DACH2: variants seen among roughly 807,000 people sequenced by gnomAD.
DACH2 encodes dachshund homolog 2.
A neutral mutation model predicts 35.8 loss-of-function variants in DACH2; 17 were observed. The observed-to-expected ratio is 0.48, with a 90% confidence interval of 0.33 to 0.71. DACH2 has a LOEUF of 0.71. DACH2 is among the 30% of genes least tolerant of loss of function. DACH2 has a pLI of 0.02. For synonymous variants in DACH2, 195 were observed against 177.3 expected (o/e 1.10, Z -0.79); for missense variants, 469 against 472.7 (o/e 0.99, Z 0.07).
intron 1 of DACH2, among the ~76,000 whole-genome samples, chrX:86,229,275 G>C (rs1411621051): frequency 9.0e-6 from 1 of 111,685 alleles, no homozygotes; most frequent in Non-Finnish European, 1.9e-5. Flanking sequence ...TCAGTTGGCT[G>C]TAAGTATTTG....
chrX:86,638,310 C>G (rs2040303289), intron 3 of DACH2, among the ~76,000 whole-genome samples: 1 of 111,652 alleles, frequency 9.0e-6, no homozygotes, highest in Non-Finnish European at 1.9e-5. Context: ...ATAAAAATAT[C>G]CGAAGAAAAC....
At chrX:86,612,802 A>G (rs1455732196) in intron 3 of DACH2, among the ~76,000 whole-genome samples, 2 of 112,607 alleles carry the variant, frequency 1.8e-5, no homozygotes, top group East Asian at 5.6e-4. Flanking sequence ...TTATGAGTGT[A>G]CTTTTTGTGT....
chrX:86,497,775 CT>C (rs2038193651), intron 2 of DACH2, among the ~76,000 whole-genome samples: 1 of 111,664 alleles, frequency 9.0e-6, no homozygotes, highest in Admixed American at 9.5e-5. Context: ...GGGCAGGTCA[CT>C]TGAGGCCAGG....
At chrX:86,171,596 G>A (rs2031128051) in intron 1 of DACH2, among the ~76,000 whole-genome samples, 1 of 111,292 alleles carries the variant, frequency 9.0e-6, no homozygotes, top group African/African-American at 3.3e-5. Context: ...GCTGTAAGAC[G>A]AGTTTGGTCT....
At chrX:86,312,056 G>C (rs985804762) in intron 1 of DACH2, among the ~76,000 whole-genome samples, 27 of 111,586 alleles carry the variant, frequency 2.4e-4, no homozygotes, top group Non-Finnish European at 4.1e-4. Context: ...TGAGGTGCTT[G>C]CTGAAGGCAA....
chrX:86,578,697 T>C (rs2039465936), intron 3 of DACH2, among the ~76,000 whole-genome samples: 1 of 111,868 alleles, frequency 8.9e-6, no homozygotes, highest in East Asian at 2.8e-4. Flanking sequence ...TCACCATATT[T>C]TTGGTGATTA....
intron 7 of DACH2, among the ~76,000 whole-genome samples, chrX:86,771,225 G>T (rs1234565077): frequency 1.8e-5 from 2 of 112,245 alleles, no homozygotes; most frequent in Non-Finnish European, 3.8e-5. Flanking sequence ...TTACTAAATT[G>T]ATTATTGATG....
chrX:86,418,824 C>A (rs1158084475), intron 2 of DACH2, among the ~76,000 whole-genome samples: 1 of 111,821 alleles, frequency 8.9e-6, no homozygotes, highest in East Asian at 2.8e-4. Flanking sequence ...TGACAGACTG[C>A]ATGTTCTCCA....
At chrX:86,756,334 T>C (rs1400985422) in intron 7 of DACH2, among the ~76,000 whole-genome samples, 1 of 111,524 alleles carries the variant, frequency 9.0e-6, no homozygotes, top group East Asian at 2.8e-4. Flanking sequence ...GGCATTATGG[T>C]AATTTTAATA....
chrX:86,247,392 A>G (rs2033307764), intron 1 of DACH2, among the ~76,000 whole-genome samples: 1 of 111,808 alleles, frequency 8.9e-6, no homozygotes, highest in South Asian at 3.7e-4. Context: ...TGAAGAAGAA[A>G]AAAAGAGAAG....
At chrX:86,434,270 G>A (rs1412909830) in intron 2 of DACH2, among the ~76,000 whole-genome samples, 2 of 111,549 alleles carry the variant, frequency 1.8e-5, no homozygotes, top group Admixed American at 9.6e-5. Context: ...TGGGCATGTA[G>A]TGCATAATAA....
chrX:86,702,259 G>A (rs1484749873), intron 5 of DACH2, among the ~76,000 whole-genome samples: 1 of 110,489 alleles, frequency 9.1e-6, no homozygotes, highest in African/African-American at 3.3e-5. Context: ...AAAACAGCTG[G>A]GATATAGAAA....
rs764003458 is a variant in DACH2, at chrX:86,814,863, A to C, written c.1684+29A>C. 3.4e-6 allele frequency: 4 copies of C among 1,171,997 alleles called. No homozygotes were observed. The South Asian group carries it at 5.9e-5, about 17-fold the overall frequency. Reference sequence around the variant, plus strand: ...ATGTCTGATTTGGATTTTCACACTCAAGGTAAACAAAGCAAAACTGATTGA... The same window carrying C: ...ATGTCTGATTTGGATTTTCACACTCCAGGTAAACAAAGCAAAACTGATTGA... On this transcript the variant is annotated intron_variant, in intron 10 of 11. Transcript: ENST00000373125.
intron 2 of DACH2, among the ~76,000 whole-genome samples, chrX:86,384,900 A>C (rs780430074): frequency 2.5e-4 from 28 of 111,994 alleles, no homozygotes; most frequent in African/African-American, 8.4e-4. Context: ...TAATAACAGC[A>C]GCCACGCTTT....
chrX:86,297,023 C>G (rs900321571), intron 1 of DACH2, among the ~76,000 whole-genome samples: 8 of 78,723 alleles, frequency 1.0e-4, no homozygotes, highest in Non-Finnish European at 1.9e-4. Context: ...ATATACAGTC[C>G]TATAAATAAA....
intron 3 of DACH2, among the ~76,000 whole-genome samples, chrX:86,624,019 G>T (rs1434848733): frequency 6.5e-5 from 5 of 77,263 alleles, no homozygotes; most frequent in African/African-American, 2.6e-4. Context: ...CTGCACTCCA[G>T]CCTGGGCGAC....
intron 3 of DACH2, among the ~76,000 whole-genome samples, chrX:86,546,342 T>C (rs66513265): frequency 0.011 from 901 of 81,641 alleles, 24 homozygotes; most frequent in African/African-American, 0.039. Context: ...CTTCTTCCTC[T>C]TCTTCTTCTT....
intron 2 of DACH2, among the ~76,000 whole-genome samples, chrX:86,392,613 G>A (rs1010626901): frequency 9.0e-6 from 1 of 111,324 alleles, no homozygotes; most frequent in Non-Finnish European, 1.9e-5. Context: ...CATGACCAAA[G>A]GCAAAGAGCT....
chrX:86,609,107 G>C (rs1034740018), intron 3 of DACH2, among the ~76,000 whole-genome samples: 3 of 111,304 alleles, frequency 2.7e-5, no homozygotes, highest in African/African-American at 9.8e-5. Context: ...ATAACTCCTA[G>C]ATTTGCCCTT....
Sources: allele counts gnomAD v4.1 joint callset (sites outside exome capture counted in the v4.1 genomes callset), GRCh38; gene constraint gnomAD v4.1.1; transcripts MANE v1.5; gene names NCBI Gene and HGNC (gene_info 2026-07-23, HGNC 2026-07-21).